Variants in STK17B observed in about 807,000 individuals in gnomAD.
The protein encoded by STK17B is serine/threonine-protein kinase 17B.
Under a neutral mutation model 42.0 loss-of-function variants are expected in STK17B, and 21 were observed. That is an observed-to-expected ratio of 0.50 (90% confidence interval 0.35 to 0.72). The LOEUF (loss-of-function observed/expected upper bound fraction) is 0.72, where lower values mean the gene tolerates loss of function less well. STK17B is among the 30% of genes least tolerant of loss of function. The pLI is 0.00. For missense variants in STK17B, 349 were observed against 446.0 expected (o/e 0.78, Z 1.96); for synonymous variants, 143 against 148.4 (o/e 0.96, Z 0.26).
intron 3 of STK17B, among the ~76,000 whole-genome samples, chr2:196,146,764 CAT>C (rs1699582832): frequency 6.6e-6 from 1 of 151,970 alleles, no homozygotes; most frequent in Admixed American, 6.6e-5. Context: ...TCATGACAAA[CAT>C]GTGAGGTACA....
At chr2:196,148,516 G>C (rs1245636386) in intron 3 of STK17B, among the ~76,000 whole-genome samples, 1 of 152,082 alleles carries the variant, frequency 6.6e-6, no homozygotes, top group East Asian at 1.9e-4. Flanking sequence ...GATTCTCTTA[G>C]AATATATTTT....
chr2:196,174,447 G>A (rs1699980405), upstream of STK17B: 1 of 152,284 alleles, frequency 6.6e-6, no homozygotes, highest in Non-Finnish European at 1.5e-5. Flanking sequence ...CAGAGCAGAA[G>A]GCCTCAAACT....
At chr2:196,151,251 T>G (rs1699661753) in intron 3 of STK17B, 1 of 146,076 alleles carries the variant, frequency 6.8e-6, no homozygotes, top group Non-Finnish European at 1.5e-5. Flanking sequence ...AAAAGGTAAG[T>G]TTTTTTTTTT....
chr2:196,145,297 T>C (rs6726084), intron 4 of STK17B, among the ~76,000 whole-genome samples: 97,415 of 151,636 alleles, frequency 0.64, 31,596 homozygotes, highest in East Asian at 0.91. Context: ...AAGGACACCA[T>C]ATAAAAACAG....
intron 3 of STK17B, among the ~76,000 whole-genome samples, chr2:196,148,111 A>T (rs886362938): frequency 6.6e-6 from 1 of 152,236 alleles, no homozygotes; most frequent in Non-Finnish European, 1.5e-5. Context: ...TATTAAATTT[A>T]TAGTAGTGAA....
chr2:196,170,958 C>G (rs1559418218), intron 1 of STK17B: 1 of 152,338 alleles, frequency 6.6e-6, no homozygotes. Context: ...TGGAAGGGAC[C>G]CGCGCGGGCC....
intron 1 of STK17B, among the ~76,000 whole-genome samples, chr2:196,168,962 A>G (rs1575188977): frequency 6.6e-6 from 1 of 152,212 alleles, no homozygotes; most frequent in Admixed American, 6.5e-5. Flanking sequence ...TAGATAAATG[A>G]CTGCTAATGT....
intron 7 of STK17B, 120 bp from the exon 8 acceptor site, chr2:196,137,849 T>C: frequency 2.7e-6 from 3 of 1,122,108 alleles, no homozygotes; most frequent in Non-Finnish European, 3.7e-6. Context: ...ACTCATAGTA[T>C]AAAATCCAAA....
chr2:196,160,494 T>C (rs1363139340), intron 2 of STK17B, among the ~76,000 whole-genome samples: 1 of 152,212 alleles, frequency 6.6e-6, no homozygotes. Context: ...ACTAACACTC[T>C]GAAATAAAAA....
intron 7 of STK17B, 65 bp from the exon 8 acceptor site, chr2:196,137,794 G>C: frequency 6.6e-7 from 1 of 1,521,924 alleles, no homozygotes; most frequent in Non-Finnish European, 8.8e-7. Flanking sequence ...TCTTCAGTTT[G>C]ATAGATTATA....
At chr2:196,170,021 G>A (rs983661239) in intron 1 of STK17B, among the ~76,000 whole-genome samples, 9 of 152,154 alleles carry the variant, frequency 5.9e-5, no homozygotes, top group South Asian at 2.1e-4. Context: ...CGAGGCAGAT[G>A]AGTTTAAAAC....
At position 196,143,583 on chromosome 2, in the gene STK17B, A is replaced by G; in HGVS notation, c.584T>C (p.Ile195Thr). Residue 195 changes from isoleucine (I) to threonine (T), a missense_variant, in exon 5 of 8, where the codon ATC becomes ACC. Ile to Thr is a moderately conservative substitution (Grantham distance 89). Transcript: ENST00000263955. ...KIGHACELRE[I>T]MGTPEYLAPE... is the part of the protein sequence containing the mutation. ...ACCTAAATATTCTGGTGTTCCCATG[A>G]TTTCCCGAAGTTCACACGCATGCCC... The G allele has an allele frequency of 6.2e-7, 1 of 1,602,094 alleles. No homozygotes were observed. The highest frequency in any genetic ancestry group is 8.5e-7 in the Non-Finnish European group (1 of 1,176,226).
chr2:196,170,256 A>G (rs1699922742), intron 1 of STK17B, among the ~76,000 whole-genome samples: 1 of 152,214 alleles, frequency 6.6e-6, no homozygotes, highest in Non-Finnish European at 1.5e-5. Flanking sequence ...TCATTTCTAC[A>G]GAGCTATGCT....
chr2:196,171,682 G>A (rs1244551870), upstream of STK17B: 1 of 151,632 alleles, frequency 6.6e-6, no homozygotes, highest in African/African-American at 2.4e-5. Context: ...GTCACGTGAC[G>A]GGAGGGGCGG....
In STK17B at chr2:196,135,023, C is replaced by A. The variant is rs1699377131; in HGVS notation, c.*2424G>T. 1 of 151,984 alleles carries A rather than the reference C, an allele frequency of 6.6e-6. No individual in the cohort carries two copies. Among genetic ancestry groups the A allele is most frequent in the African/African-American group, 2.4e-5 (1 of 41,372 alleles). 9.4% of individuals were successfully genotyped at this position (151,984 alleles called of 1,614,324 possible). A position where few individuals can be genotyped will look rare whatever the true frequency, so the allele number is the denominator to read the frequency against. ...TGTGCAATCACTAGTTGCTTTTTTA[C>A]TATAAAACTTAATATCAGGAAAAAA... On this transcript the variant is annotated 3_prime_UTR_variant, in exon 8 of 8. Coordinates refer to ENST00000263955, the MANE Select transcript of STK17B (RefSeq NM_004226.4).
At chr2:196,173,322 G>A (rs541204308), upstream of STK17B, among the ~76,000 whole-genome samples, 414 of 152,312 alleles carry the variant, frequency 2.7e-3, 2 homozygotes, top group African/African-American at 9.4e-3. Context: ...ACCCTCTTCA[G>A]GAATCAGAAC....
intron 2 of STK17B, among the ~76,000 whole-genome samples, chr2:196,159,261 T>C (rs1006385478): frequency 3.9e-5 from 6 of 151,904 alleles, no homozygotes; most frequent in African/African-American, 1.4e-4. Context: ...ATTTATTTTA[T>C]CTGTAAATAA....
intron 5 of STK17B, 43 bp downstream of exon 5, chr2:196,143,517 A>C (rs751679045): frequency 2.0e-6 from 3 of 1,534,946 alleles, no homozygotes; most frequent in Admixed American, 4.0e-5. Flanking sequence ...TCATTTACTT[A>C]ATAAATTTCA....
intron 3 of STK17B, chr2:196,154,091 G>C (rs75725421): frequency 0.046 from 7,065 of 152,100 alleles, 387 homozygotes; most frequent in African/African-American, 0.13. Context: ...AAAAATTGCT[G>C]GGCATGGTGG....
Sources: allele counts gnomAD v4.1 joint callset (sites outside exome capture counted in the v4.1 genomes callset), GRCh38; gene constraint gnomAD v4.1.1; transcripts MANE v1.5; gene names NCBI Gene and HGNC (gene_info 2026-07-23, HGNC 2026-07-21).